The following PUDP variants were observed in gnomAD, a reference collection of about 807,000 sequenced individuals.
The protein encoded by PUDP is pseudouridine 5'-phosphatase.
A neutral mutation model predicts 9.4 loss-of-function variants in PUDP; 8 were observed. The ratio of observed to expected loss-of-function variants is 0.85; its 90% confidence interval spans 0.50 to 1.53. The LOEUF (loss-of-function observed/expected upper bound fraction) is 1.53. Among genes scored for constraint, PUDP ranks in the 40% most tolerant of loss-of-function variants. The probability of loss-of-function intolerance (pLI) is 0.00; values close to 1 mark genes in which losing one functional copy is unlikely to be tolerated. For synonymous variants in PUDP, 99 were observed against 80.7 expected, an observed-to-expected ratio of 1.23 and a Z score of -1.22; for missense variants, 188 against 189.7, an observed-to-expected ratio of 0.99 and a Z score of 0.05.
intron 3 of PUDP, among the ~76,000 whole-genome samples, chrX:6,798,456 G>C (rs1159832485): frequency 6.3e-5 from 7 of 111,676 alleles, no homozygotes; most frequent in Non-Finnish European, 9.4e-5. Context: ...AATGAAAGTA[G>C]TGCAGTATAA....
intron 1 of PUDP, among the ~76,000 whole-genome samples, chrX:7,011,989 A>T (rs1326545723): frequency 8.9e-6 from 1 of 112,602 alleles, no homozygotes; most frequent in African/African-American, 3.2e-5. Context: ...ACATCAAGGA[A>T]CTGTATCAGT....
At chrX:6,808,198 A>G (rs1173854530) in intron 3 of PUDP, among the ~76,000 whole-genome samples, 1 of 111,583 alleles carries the variant, frequency 9.0e-6, no homozygotes, top group Admixed American at 9.5e-5. Context: ...AGAGTGATAC[A>G]TATCTAAGTT....
At chrX:7,119,008 G>A (rs1033702825) in intron 1 of PUDP, among the ~76,000 whole-genome samples, 5 of 112,084 alleles carry the variant, frequency 4.5e-5, no homozygotes, top group Admixed American at 9.5e-5. Context: ...CAAAAACAGT[G>A]ATTAAGAATA....
At chrX:6,740,733 G>A (rs1924924832) in intron 3 of PUDP, among the ~76,000 whole-genome samples, 1 of 112,054 alleles carries the variant, frequency 8.9e-6, no homozygotes, top group Non-Finnish European at 1.9e-5. Flanking sequence ...TGTCATGTCA[G>A]TAATACCAAG....
At chrX:7,034,695 A>G (rs190823975) in intron 1 of PUDP, among the ~76,000 whole-genome samples, 2 of 111,828 alleles carry the variant, frequency 1.8e-5, no homozygotes, top group East Asian at 2.8e-4. Context: ...CTAATAATCT[A>G]TCTATGCAGA....
intron 1 of PUDP, among the ~76,000 whole-genome samples, chrX:7,017,763 T>C (rs1175810997): frequency 2.7e-5 from 3 of 111,922 alleles, no homozygotes; most frequent in Non-Finnish European, 5.6e-5. Context: ...CATGTGGAAC[T>C]GTCAGAGGTG....
At chrX:6,990,781 C>G (rs1929165557) in intron 1 of PUDP, among the ~76,000 whole-genome samples, 1 of 112,630 alleles carries the variant, frequency 8.9e-6, no homozygotes. Flanking sequence ...AGTCAGAAAA[C>G]TGGGAATTGG....
chrX:7,082,909 A>G (rs774653023), intron 2 of PUDP, among the ~76,000 whole-genome samples: 5 of 112,720 alleles, frequency 4.4e-5, no homozygotes, highest in African/African-American at 6.4e-5. Context: ...GTCCTCACCC[A>G]TGGTACTTCT....
chrX:6,709,264 C>A (rs1200092212), intron 1 of PUDP, among the ~76,000 whole-genome samples: 2 of 111,671 alleles, frequency 1.8e-5, no homozygotes, highest in South Asian at 3.8e-4. Context: ...GCTGTTTAAT[C>A]TTACCTCCCA....
chrX:6,966,969 C>A (rs192871309), intron 3 of PUDP, among the ~76,000 whole-genome samples: 1 of 111,832 alleles, frequency 8.9e-6, no homozygotes, highest in Admixed American at 9.5e-5. Context: ...AGCTGATTCC[C>A]GGTTGGAGGA....
intron 3 of PUDP, among the ~76,000 whole-genome samples, chrX:6,925,139 A>G (rs1414776027): frequency 8.9e-6 from 1 of 112,275 alleles, no homozygotes; most frequent in African/African-American, 3.2e-5. Flanking sequence ...ACATAGCAAA[A>G]CCTTGTCTCT....
At chrX:7,126,283 G>A (rs1932484736) in intron 1 of PUDP, among the ~76,000 whole-genome samples, 1 of 111,117 alleles carries the variant, frequency 9.0e-6, no homozygotes, top group Admixed American at 9.6e-5. Flanking sequence ...TAGGAGCTGA[G>A]AATGGAGAAA....
At chrX:6,953,923 T>C (rs1342670864) in intron 3 of PUDP, among the ~76,000 whole-genome samples, 2 of 111,099 alleles carry the variant, frequency 1.8e-5, no homozygotes, top group African/African-American at 6.6e-5. Flanking sequence ...AATTGAATCA[T>C]GAGGGTGGTT....
At chrX:6,898,723 T>C (rs1927628812) in intron 3 of PUDP, among the ~76,000 whole-genome samples, 1 of 111,817 alleles carries the variant, frequency 8.9e-6, no homozygotes, top group Admixed American at 9.5e-5. Context: ...TTCTGGACAC[T>C]GAAATTTTAA....
intron 1 of PUDP, among the ~76,000 whole-genome samples, chrX:7,139,516 ACCATGTGCTTCTCTT>A (rs1185211493): frequency 3.7e-5 from 4 of 108,128 alleles, no homozygotes; most frequent in Non-Finnish European, 7.6e-5. Flanking sequence ...GTGCTCAAGG[ACCATGTGCTTCTCTT>A]CCATGTGCAT....
intron 3 of PUDP, among the ~76,000 whole-genome samples, chrX:6,882,510 CG>C (rs1043932688): frequency 1.8e-5 from 2 of 111,135 alleles, no homozygotes; most frequent in African/African-American, 3.3e-5. Context: ...CAACCATTTT[CG>C]GGGGGGCTAC....
At chrX:6,976,465 A>G (rs1229465526) in intron 3 of PUDP, among the ~76,000 whole-genome samples, 1 of 111,171 alleles carries the variant, frequency 9.0e-6, no homozygotes, top group Non-Finnish European at 1.9e-5. Context: ...GAGTTCCCCA[A>G]CCTCTCGCAC....
At chrX:6,823,213 G>A (rs778276063) in intron 3 of PUDP, among the ~76,000 whole-genome samples, 1 of 111,096 alleles carries the variant, frequency 9.0e-6, no homozygotes, top group Admixed American at 9.6e-5. Context: ...TATGTAGTGG[G>A]TGAAGGAAAA....
At chrX:7,138,299 A>C (rs1932768749) in intron 1 of PUDP, among the ~76,000 whole-genome samples, 1 of 111,432 alleles carries the variant, frequency 9.0e-6, no homozygotes, top group Non-Finnish European at 1.9e-5. Flanking sequence ...TCACTTTAAA[A>C]TAGGCTAAAG....
Sources: allele counts gnomAD v4.1 joint callset (sites outside exome capture counted in the v4.1 genomes callset), GRCh38; gene constraint gnomAD v4.1.1; transcripts MANE v1.5; gene names NCBI Gene and HGNC (gene_info 2026-07-23, HGNC 2026-07-21).